Variants in ABCB1 observed in about 807,000 individuals in gnomAD.
ABCB1 encodes the protein ATP binding cassette subfamily B member 1.
ABCB1 carries 69 observed loss-of-function variants against 142.0 expected under a neutral mutation model. The observed-to-expected ratio is 0.49, with a 90% CI of 0.40 to 0.59. The LOEUF (loss-of-function observed/expected upper bound fraction) is 0.59. ABCB1 is among the 20% of genes least tolerant of loss of function. The probability of loss-of-function intolerance (pLI) is 0.00; values close to 1 mark genes in which losing one functional copy is unlikely to be tolerated. For missense variants in ABCB1, 1,326 were observed against 1,554.7 expected (o/e 0.85, Z 2.47); for synonymous variants, 532 against 539.2 (o/e 0.99, Z 0.18).
In ABCB1 at chr7:87,506,021, T is replaced by C; in HGVS notation, c.3512A>G (p.Asp1171Gly). ...GCCACCAGAGAGCTGAGTTCCTTTG[T>C]CTCCTACTTTAGTGCTATATTTCTG... is the stretch of plus-strand genomic sequence containing the variant. ...LPNKYSTKVG[D>G]KGTQLSGGQK... The change falls in exon 27 of 28, where the codon GAC becomes GGC. Residue 1171 changes from aspartate to glycine, a missense_variant. Transcript: ENST00000622132. 6.2e-7 allele frequency: 1 copy of C among 1,614,116 alleles called. No homozygotes were observed. The highest frequency in any genetic ancestry group is 8.5e-7 in the Non-Finnish European group (1 of 1,179,952).
rs565909048 is a variant in ABCB1 at position 87,628,672 on chromosome 7, C to T, written c.-330-27594G>A. 5.6e-4 allele frequency: 248 copies of T among 439,040 alleles called. 1 individual carries two copies. Among genetic ancestry groups the T allele is most frequent in the African/African-American group, 4.7e-3 (231 of 49,188 alleles). The allele number at this position is 439,040 out of a possible 1,614,324, so 27.2% of individuals were successfully genotyped here. A position where few individuals can be genotyped will look rare whatever the true frequency, so the allele number is the denominator to read the frequency against. On this transcript the variant is annotated intron_variant, in intron 1 of 28. Transcript: ENST00000265724. Reference sequence around the variant, plus strand: ...GCCGTCAGTCCCCGGGTGCGAGTCCCTGCTGTCTTCCACACCCTTCCTCCC... The same window carrying T: ...GCCGTCAGTCCCCGGGTGCGAGTCCTTGCTGTCTTCCACACCCTTCCTCCC...
intron 1 of ABCB1, among the ~76,000 whole-genome samples, chr7:87,703,885 C>CTTTTTTTTTTTTTTTTTTTTTTTTGT (rs1829311805): frequency 1.7e-5 from 1 of 60,282 alleles, no homozygotes; most frequent in African/African-American, 6.3e-5. Flanking sequence ...TCAGTTTTTT[C>CTTTTTTTTTTTTTTTTTTTTTTTTGT]TTTTTTTTTT....
At chr7:87,602,292 CT>C (rs59849542), upstream of ABCB1, among the ~76,000 whole-genome samples, 5,565 of 92,280 alleles carry the variant, frequency 0.06, 84 homozygotes, top group African/African-American at 0.069. Context: ...AGCTCGGCCT[CT>C]TTTTTTTTTT....
At chr7:87,551,895 G>A (rs188516006) in intron 9 of ABCB1, among the ~76,000 whole-genome samples, 1 of 152,070 alleles carries the variant, frequency 6.6e-6, no homozygotes, top group East Asian at 1.9e-4. Flanking sequence ...TGCTAGCAGA[G>A]GAGTCAGAAG....
rs182783075 is a variant in ABCB1, at chr7:87,696,445, G to A, written c.-331+16716C>T. Among the ~76,000 whole-genome samples, 37 of 151,996 alleles carry A rather than the reference G, an allele frequency of 2.4e-4. No individual in the cohort carries two copies. In the East Asian group the frequency reaches 5.6e-3, roughly 23 times the overall value. Reference sequence around the variant, plus strand: ...ATAAAAGTGATGTTCAAATAATATCGCAGATAACTCATTGAACACATCTAT... The same window carrying A: ...ATAAAAGTGATGTTCAAATAATATCACAGATAACTCATTGAACACATCTAT... On this transcript the variant is annotated intron_variant, in intron 1 of 28. Transcript: ENST00000265724.
intron 1 of ABCB1, among the ~76,000 whole-genome samples, chr7:87,632,431 A>ACATGTAAATTACATGTAAATTACATGTAG (rs1447116611): frequency 6.6e-6 from 1 of 152,218 alleles, no homozygotes; most frequent in Non-Finnish European, 1.5e-5. Context: ...GTAGACTAAA[A>ACATGTAAATTACATGTAAATTACATGTAG]ACATTTGCAT....
chr7:87,521,364 C>T, intron 21 of ABCB1: 1 of 545,462 alleles, frequency 1.8e-6, no homozygotes, highest in South Asian at 2.4e-5. Flanking sequence ...TAGATACATT[C>T]AAAGGCTTAC....
At chr7:87,532,723 T>C (rs1443498766) in intron 20 of ABCB1, among the ~76,000 whole-genome samples, 1 of 152,224 alleles carries the variant, frequency 6.6e-6, no homozygotes, top group Non-Finnish European at 1.5e-5. Context: ...CATCCCATGC[T>C]GCTGTTCTGC....
At chr7:87,589,590 GCCTGGGCAACATAGGAGAC>G (rs1275945557) in intron 3 of ABCB1, among the ~76,000 whole-genome samples, 1 of 152,040 alleles carries the variant, frequency 6.6e-6, no homozygotes, top group Non-Finnish European at 1.5e-5. Flanking sequence ...GTTTGGTACA[GCCTGGGCAACATAGGAGAC>G]CCTCTCTCTA....
chr7:87,624,927 C>T (rs539442070), intron 1 of ABCB1, among the ~76,000 whole-genome samples: 16 of 152,298 alleles, frequency 1.1e-4, no homozygotes, highest in Admixed American at 7.2e-4. Flanking sequence ...CAAGTACTAA[C>T]ATGTCAACTA....
chr7:87,641,072 C>G (rs1415570789), intron 1 of ABCB1, among the ~76,000 whole-genome samples: 1 of 151,972 alleles, frequency 6.6e-6, no homozygotes, highest in Non-Finnish European at 1.5e-5. Flanking sequence ...TATGTTCTAT[C>G]TTTTGTCACA....
intron 1 of ABCB1, among the ~76,000 whole-genome samples, chr7:87,710,955 G>A (rs185671704): frequency 6.6e-6 from 1 of 152,160 alleles, no homozygotes; most frequent in East Asian, 1.9e-4. Context: ...TTCCCTGATG[G>A]ATTTGAATTT....
rs980065285 is a variant in ABCB1 at position 87,503,259 on chromosome 7, A to G, written c.*984T>C. 6.6e-6 allele frequency among the ~76,000 whole-genome samples: 1 copy of G among 151,970 alleles called. No individual in the cohort carries two copies. Among genetic ancestry groups the G allele is most frequent in the Non-Finnish European group, 1.5e-5 (1 of 67,942 alleles). On this transcript the variant is annotated 3_prime_UTR_variant, in exon 28 of 28. Transcript: ENST00000622132. ...TTGTTTATAGTAAATATAGTTTATA[A>G]TGTTAATAATGCTTTTTGGCTAATT...
At chr7:87,536,421 C>A in intron 20 of ABCB1, 37 bp downstream of exon 20, 1 of 1,606,394 alleles carries the variant, frequency 6.2e-7, no homozygotes, top group Middle Eastern at 1.7e-4. Context: ...CCAAAATGGC[C>A]AATTAAGACA....
At chr7:87,621,514 G>C (rs1820222406) in intron 1 of ABCB1, among the ~76,000 whole-genome samples, 1 of 152,000 alleles carries the variant, frequency 6.6e-6, no homozygotes, top group Non-Finnish European at 1.5e-5. Flanking sequence ...TCAAATATGT[G>C]AATGCAAAAA....
At chr7:87,609,986 A>C (rs1337524213) in intron 1 of ABCB1, among the ~76,000 whole-genome samples, 1 of 152,248 alleles carries the variant, frequency 6.6e-6, no homozygotes, top group Non-Finnish European at 1.5e-5. Context: ...ACGGTAGTGT[A>C]GAAACACTAG....
chr7:87,528,763 A>C (rs1052521134), intron 21 of ABCB1, among the ~76,000 whole-genome samples: 2 of 152,236 alleles, frequency 1.3e-5, no homozygotes, highest in Non-Finnish European at 2.9e-5. Context: ...GGAAAGAAAC[A>C]TCAAGGGCTG....
intron 4 of ABCB1, among the ~76,000 whole-genome samples, chr7:87,576,467 A>G (rs574338563): frequency 2.7e-5 from 4 of 149,848 alleles, no homozygotes; most frequent in African/African-American, 9.7e-5. Context: ...GTATATATAG[A>G]TACTTTTACA....
At chr7:87,553,140 T>C (rs918278539) in intron 9 of ABCB1, among the ~76,000 whole-genome samples, 7 of 152,146 alleles carry the variant, frequency 4.6e-5, no homozygotes, top group African/African-American at 1.7e-4. Flanking sequence ...AAAATAAAAG[T>C]GAAGTGTTTA....
Sources: gnomAD v4.1 joint callset for allele counts (sites outside exome capture counted in the v4.1 genomes callset) on GRCh38, gnomAD v4.1.1 for gene constraint, MANE v1.5 for transcripts, NCBI Gene and HGNC (gene_info 2026-07-23, HGNC 2026-07-21) for gene names.